ESF1: variants seen among roughly 807,000 people sequenced by gnomAD.
ESF1 encodes the protein ESF1 homolog.
Under a neutral mutation model 92.0 loss-of-function variants are expected in ESF1, and 58 were observed. The ratio of observed to expected loss-of-function variants is 0.63; its 90% CI spans 0.51 to 0.78. The LOEUF (loss-of-function observed/expected upper bound fraction) is 0.78. Ranked by LOEUF, ESF1 falls within the 30% of genes least tolerant of loss-of-function variation. The pLI is 0.00. For missense variants in ESF1, 922 were observed against 989.1 expected (o/e 0.93, Z 0.91); for synonymous variants, 321 against 313.7 (o/e 1.02, Z -0.24).
chr20:13,753,782 A>T (rs1327375519), intron 9 of ESF1, among the ~76,000 whole-genome samples: 1 of 152,142 alleles, frequency 6.6e-6, no homozygotes, highest in Non-Finnish European at 1.5e-5. Flanking sequence ...CTACTCTTCT[A>T]CCACCAGCTG....
chr20:13,715,197 A>T lies in ESF1; in HGVS notation c.2263-30T>A, dbSNP rs146959129. Reference sequence around the variant, plus strand: ...AAATCCAAAAAAAAAAAAAATTAATAAATTAATTAAACAAAATTACTAAAG... The same window carrying T: ...AAATCCAAAAAAAAAAAAAATTAATTAATTAATTAAACAAAATTACTAAAG... On this transcript the variant is annotated intron_variant, in intron 13 of 13. Coordinates refer to ENST00000617257, the MANE Select transcript of ESF1 (RefSeq NM_001276380.2). 5.9e-4 allele frequency: 861 copies of T among 1,456,962 alleles called. 2 individuals are homozygous for T. Among genetic ancestry groups the T allele is most frequent in the African/African-American group, 5.5e-3 (379 of 69,430 alleles). 90.3% of individuals were successfully genotyped at this position (1,456,962 alleles called of 1,614,324 possible).
At chr20:13,765,768 T>G (rs1228940210) in intron 8 of ESF1, among the ~76,000 whole-genome samples, 6 of 152,126 alleles carry the variant, frequency 3.9e-5, no homozygotes. Context: ...CCAAAGTAAA[T>G]TAAAGTCTTC....
chr20:13,748,593 T>TATATATATA, intron 9 of ESF1, among the ~76,000 whole-genome samples: 1 of 11,816 alleles, frequency 8.5e-5, no homozygotes, highest in Admixed American at 1.5e-3. Flanking sequence ...TATATATATA[T>TATATATATA]TTTTTTTTTT....
At chr20:13,734,542 G>A (rs545864091) in intron 9 of ESF1, among the ~76,000 whole-genome samples, 11 of 152,190 alleles carry the variant, frequency 7.2e-5, no homozygotes, top group African/African-American at 1.2e-4. Flanking sequence ...TGCTGTTCCC[G>A]ATTCACGTTT....
chr20:13,750,952 G>A (rs1453876870), intron 9 of ESF1, among the ~76,000 whole-genome samples: 1 of 152,194 alleles, frequency 6.6e-6, no homozygotes, highest in South Asian at 2.1e-4. Context: ...CTGGGCAACA[G>A]AACAAGACCT....
chr20:13,778,724 C>A (rs566112904), intron 2 of ESF1, among the ~76,000 whole-genome samples: 2 of 152,160 alleles, frequency 1.3e-5, no homozygotes, highest in South Asian at 4.2e-4. Flanking sequence ...TTAACAATAT[C>A]AACTGCATTC....
chr20:13,722,072 C>T (rs1331136741), intron 11 of ESF1, among the ~76,000 whole-genome samples: 1 of 151,968 alleles, frequency 6.6e-6, no homozygotes, highest in Non-Finnish European at 1.5e-5. Context: ...TATTCTGTAG[C>T]AGGGAGAAAA....
At chr20:13,772,087 C>T (rs1227528870) in intron 5 of ESF1, among the ~76,000 whole-genome samples, 3 of 150,338 alleles carry the variant, frequency 2.0e-5, no homozygotes, top group African/African-American at 4.9e-5. Flanking sequence ...CTATATTGCA[C>T]CATGATGATA....
intron 11 of ESF1, among the ~76,000 whole-genome samples, chr20:13,724,687 G>C (rs1232804904): frequency 6.6e-6 from 1 of 152,174 alleles, no homozygotes; most frequent in Non-Finnish European, 1.5e-5. Context: ...TAAAAGTCCA[G>C]TTATACCATA....
intron 9 of ESF1, among the ~76,000 whole-genome samples, chr20:13,742,659 T>C (rs2050022684): frequency 1.3e-5 from 2 of 151,834 alleles, no homozygotes; most frequent in African/African-American, 4.8e-5. Flanking sequence ...ATACAAACTA[T>C]AGTATAGAAG....
At chr20:13,760,049 T>C (rs1979089981) in intron 8 of ESF1, among the ~76,000 whole-genome samples, 196 bp from the exon 9 acceptor site, 1 of 152,276 alleles carries the variant, frequency 6.6e-6, no homozygotes, top group African/African-American at 2.4e-5. Context: ...ATTTGCACTG[T>C]CATAGCAGTA....
chr20:13,762,077 T>C (rs1979225456), intron 8 of ESF1, among the ~76,000 whole-genome samples: 1 of 152,214 alleles, frequency 6.6e-6, no homozygotes, highest in African/African-American at 2.4e-5. Flanking sequence ...CATTTTGTCC[T>C]TGTATCTTTT....
chr20:13,732,847 C>A (rs1600270970), intron 10 of ESF1, among the ~76,000 whole-genome samples: 1 of 152,142 alleles, frequency 6.6e-6, no homozygotes, highest in Non-Finnish European at 1.5e-5. Flanking sequence ...ATTCCCTGAA[C>A]AACATGAGTC....
rs767780620 is a variant in ESF1, at chr20:13,728,402, A to G, written c.2014T>C (p.Phe672Leu). The G allele has an allele frequency of 1.1e-5, 18 of 1,612,590 alleles. No individual in the cohort carries two copies. The East Asian group carries it at 4.0e-4, about 36-fold the overall frequency. ...CCTATTTGTTTAACTTCTTCAGCAA[A>G]GTATGGGTCATTCAAATCAACATCA... is the stretch of plus-strand genomic sequence containing the variant. The part of the protein sequence containing the change: ...PSDVDLNDPY[F>L]AEEVKQIGIN... The change falls in exon 11 of 14, where the codon TTT (phenylalanine) becomes CTT (leucine). Residue 672 changes from phenylalanine (F) to leucine (L), a missense_variant. Phe to Leu is a conservative substitution (Grantham distance 22). Transcript: ENST00000617257.
chr20:13,757,321 A>G (rs1853280454), intron 9 of ESF1, among the ~76,000 whole-genome samples: 1 of 152,236 alleles, frequency 6.6e-6, no homozygotes, highest in South Asian at 2.1e-4. Flanking sequence ...AGGAAATATA[A>G]GCAATGCTTA....
At chr20:13,782,180 C>T (rs921858976) in intron 2 of ESF1, among the ~76,000 whole-genome samples, 2 of 152,098 alleles carry the variant, frequency 1.3e-5, no homozygotes, top group African/African-American at 4.8e-5. Flanking sequence ...GTCCGGCCTA[C>T]TTACCCTCTT....
At chr20:13,768,669 G>A (rs996409958) in intron 7 of ESF1, among the ~76,000 whole-genome samples, 1 of 151,698 alleles carries the variant, frequency 6.6e-6, no homozygotes. Flanking sequence ...GGCAGAGGGG[G>A]GCGGATCATC....
chr20:13,759,910 C>T, intron 8 of ESF1, 57 bp from the exon 9 acceptor site: 2 of 1,520,790 alleles, frequency 1.3e-6, no homozygotes, highest in Non-Finnish European at 1.7e-6. Flanking sequence ...AACTCGTGTT[C>T]AGATCTTATG....
In ESF1 at chr20:13,776,107, A is replaced by T; in HGVS notation, c.801T>A (p.Gly267=). The T allele has an allele frequency of 6.2e-7, 1 of 1,613,732 alleles. No homozygotes were observed. The highest frequency in any genetic ancestry group is 8.5e-7 in the Non-Finnish European group (1 of 1,179,866). ...CATCATCTTCACTTCCATCGTCATC[A>T]CCTGAAGCTCTACCAACACTTGTAA... ...NEITSVGRAS[G]DDDGSEDDEE... Residue 267 remains glycine (G), a synonymous_variant, in exon 3 of 14, where the codon GGT becomes GGA. Coordinates refer to ENST00000617257, the MANE Select transcript of ESF1 (RefSeq NM_001276380.2).
Sources: allele counts gnomAD v4.1 joint callset (sites outside exome capture counted in the v4.1 genomes callset), GRCh38; gene constraint gnomAD v4.1.1; transcripts MANE v1.5; gene names NCBI Gene and HGNC (gene_info 2026-07-23, HGNC 2026-07-21).